RPL37: variants seen among roughly 807,000 people sequenced by gnomAD.
RPL37 encodes the protein ribosomal protein L37.
Under a neutral mutation model 14.8 loss-of-function variants are expected in RPL37, and 1 was observed. That is an observed-to-expected ratio of 0.07 (90% confidence interval 0.02 to 0.32). The LOEUF (loss-of-function observed/expected upper bound fraction) is 0.32. RPL37 is among the 10% of genes least tolerant of loss of function. The pLI is 1.00. For synonymous variants in RPL37, 53 were observed against 45.8 expected (o/e 1.16, Z -0.63); for missense variants, 100 against 128.3 (o/e 0.78, Z 1.06).
intron 3 of RPL37, chr5:40,833,944 G>A (rs1745699603): frequency 1.6e-5 from 8 of 503,640 alleles, no homozygotes; most frequent in South Asian, 4.5e-5. Flanking sequence ...GTACTCGGGC[G>A]GCTGAGATGA....
In RPL37 at chr5:40,827,959, T is replaced by TAAAAAAAAAATA. The variant is rs11428743; in HGVS notation, c.*4544_*4545insTATTTTTTTTTT. The TAAAAAAAAAATA allele has an allele frequency of 6.6e-6, 1 of 150,870 alleles. No homozygotes were observed. Among genetic ancestry groups the TAAAAAAAAAATA allele is most frequent in the Non-Finnish European group, 1.5e-5 (1 of 67,792 alleles). The allele number at this position is 150,870 out of a possible 1,614,324, so 9.3% of individuals were successfully genotyped here. A position where few individuals can be genotyped will look rare whatever the true frequency, so the allele number is the denominator to read the frequency against. The stretch of plus-strand genomic sequence containing the variant: ...GTATTATGATCCAAACTCCTTTGTT[T>TAAAAAAAAAATA]AAAAAAAAATAAAACACCTAAATAT... On this transcript the variant is annotated 3_prime_UTR_variant, in exon 4 of 4. Transcript: ENST00000274242.
rs1280403732 is a variant in RPL37 at position 40,830,701 on chromosome 5, G to A, written c.*1803C>T. Reference sequence around the variant, plus strand: ...TAGTAGAGTTGGGGTCTCACCATGTGGGCCAGGGTGATCTCGATCTCTTGA... The same window carrying A: ...TAGTAGAGTTGGGGTCTCACCATGTAGGCCAGGGTGATCTCGATCTCTTGA... On this transcript the variant is annotated 3_prime_UTR_variant, in exon 4 of 4. Coordinates refer to ENST00000274242, the MANE Select transcript of RPL37 (RefSeq NM_000997.5). 2 of 151,478 alleles carry A rather than the reference G, an allele frequency of 1.3e-5. No individual in the cohort carries two copies. The highest frequency in any genetic ancestry group is 1.3e-4 in the Admixed American group (2 of 15,208). 9.4% of individuals were successfully genotyped at this position (151,478 alleles called of 1,614,324 possible).
At chr5:40,833,212 T>C (rs528877128) in intron 3 of RPL37, among the ~76,000 whole-genome samples, 1 of 152,222 alleles carries the variant, frequency 6.6e-6, no homozygotes, top group African/African-American at 2.4e-5. Context: ...CTGAACTGTC[T>C]TGCTATCTTT....
At chr5:40,834,633 T>C (rs41271051) in intron 1 of RPL37, 27 bp from the exon 2 acceptor site, 23,515 of 1,574,964 alleles carry the variant, frequency 0.015, 227 homozygotes, top group Non-Finnish European at 0.018. Flanking sequence ...TAAATAGTTC[T>C]GAAACCTGGC....
Position 40,831,917 on chromosome 5 carries a change from T to C in RPL37, c.*587A>G, listed in dbSNP as rs1329736447. 1 of 153,242 alleles carries C rather than the reference T, an allele frequency of 6.5e-6. No individual in the cohort carries two copies. Among genetic ancestry groups the C allele is most frequent in the Non-Finnish European group, 1.5e-5 (1 of 68,666 alleles). The allele number at this position is 153,242 out of a possible 1,614,324, so 9.5% of individuals were successfully genotyped here. ...TTTTCTCAAACCTATTTACATATTCTTAAGTTGACTCACACCTAGCAGGCT... is the reference window on the plus strand; with the variant it reads ...TTTTCTCAAACCTATTTACATATTCCTAAGTTGACTCACACCTAGCAGGCT... On this transcript the variant is annotated 3_prime_UTR_variant, in exon 4 of 4. Transcript: ENST00000274242.
In RPL37 at chr5:40,827,837, G is replaced by C; in HGVS notation, c.*4667C>G. ...AGCGATTCTCTCGCCTCAGCCTCCT[G>C]AGTAGCTGGGATTACAGGTGTGCAC... On this transcript the variant is annotated 3_prime_UTR_variant, in exon 4 of 4. Coordinates refer to ENST00000274242, the MANE Select transcript of RPL37 (RefSeq NM_000997.5). 1 of 151,610 alleles carries C rather than the reference G, an allele frequency of 6.6e-6. No individual in the cohort carries two copies. Among genetic ancestry groups the C allele is most frequent in the Non-Finnish European group, 1.5e-5 (1 of 68,078 alleles). The allele number at this position is 151,610 out of a possible 1,614,324, so 9.4% of individuals were successfully genotyped here. A position where few individuals can be genotyped will look rare whatever the true frequency, so the allele number is the denominator to read the frequency against.
At chr5:40,832,682 C>A in intron 3 of RPL37, 109 bp from the exon 4 acceptor site, 1 of 821,608 alleles carries the variant, frequency 1.2e-6, no homozygotes, top group South Asian at 1.3e-5. Context: ...ATGCTGAAAT[C>A]AATACTGCAT....
rs1359404483 is a variant in RPL37, at chr5:40,832,349, C to T, written c.*155G>A. ...AAAAGTAAACATTCCAAAACAGTCA[C>T]TTAACAAGTAAATCTGATATGAAGC... is the stretch of plus-strand genomic sequence containing the variant. On this transcript the variant is annotated 3_prime_UTR_variant, in exon 4 of 4. Coordinates refer to ENST00000274242, the MANE Select transcript of RPL37 (RefSeq NM_000997.5). 14 of 722,034 alleles carry T rather than the reference C, an allele frequency of 1.9e-5. No homozygotes were observed. The highest frequency in any genetic ancestry group is 3.3e-5 in the Non-Finnish European group (13 of 396,512). 44.7% of individuals were successfully genotyped at this position (722,034 alleles called of 1,614,324 possible). A position where few individuals can be genotyped will look rare whatever the true frequency, so the allele number is the denominator to read the frequency against.
At chr5:40,834,318 T>C (rs1313815587) in intron 2 of RPL37, 53 bp from the exon 3 acceptor site, 5 of 1,554,744 alleles carry the variant, frequency 3.2e-6, no homozygotes, top group Non-Finnish European at 4.4e-6. Context: ...ACACACCTTG[T>C]AGGTGTTGTT....
At position 40,832,426 on chromosome 5, in the gene RPL37, A is replaced by G; in HGVS notation, c.*78T>C. ...TTCACTGATACTACAAGCCTAATTGATTAAAAATACCTTACCAAAACCAGA... is the reference window on the plus strand; with the variant it reads ...TTCACTGATACTACAAGCCTAATTGGTTAAAAATACCTTACCAAAACCAGA... On this transcript the variant is annotated 3_prime_UTR_variant, in exon 4 of 4. Transcript: ENST00000274242. 4.8e-6 allele frequency: 6 copies of G among 1,259,260 alleles called. No homozygotes were observed. Among genetic ancestry groups the G allele is most frequent in the Non-Finnish European group, 7.0e-6 (6 of 858,650 alleles). 78.0% of individuals were successfully genotyped at this position (1,259,260 alleles called of 1,614,324 possible). A position where few individuals can be genotyped will look rare whatever the true frequency, so the allele number is the denominator to read the frequency against.
At position 40,828,826 on chromosome 5, in the gene RPL37, C is replaced by T. The variant is rs897477845; in HGVS notation, c.*3678G>A. On this transcript the variant is annotated 3_prime_UTR_variant, in exon 4 of 4. Coordinates refer to ENST00000274242, the MANE Select transcript of RPL37 (RefSeq NM_000997.5). ...GAAAACACATCTGGTTTTGCTCCCA[C>T]TGTATCTCTAACATGGCTTGGCACA... 4 of 152,170 alleles carry T rather than the reference C, an allele frequency of 2.6e-5. No homozygotes were observed. The East Asian group carries it at 7.7e-4, about 29-fold the overall frequency. The allele number at this position is 152,170 out of a possible 1,614,324, so 9.4% of individuals were successfully genotyped here. A position where few individuals can be genotyped will look rare whatever the true frequency, so the allele number is the denominator to read the frequency against.
At position 40,832,562 on chromosome 5, in the gene RPL37, C is replaced by T. The variant is rs753326856; in HGVS notation, c.236G>A (p.Arg79His). ...CTTGGGTTTAGGTGTTGTTCCTTCACGGAATCCATGCCTGCAGGATGTCAA... is the reference window on the plus strand; with the variant it reads ...CTTGGGTTTAGGTGTTGTTCCTTCATGGAATCCATGCCTGCAGGATGTCAA... ...IVYRRFRHGFREGTTPKPKRA... is the reference protein window; with the variant it reads ...IVYRRFRHGFHEGTTPKPKRA... Residue 79 changes from arginine to histidine, a missense_variant, in exon 4 of 4, where the codon CGT (arginine) becomes CAT (histidine). By Grantham distance (29) the Arg-to-His change is conservative. Transcript: ENST00000274242. 11 of 1,613,690 alleles carry T rather than the reference C, an allele frequency of 6.8e-6. No individual in the cohort carries two copies. Among genetic ancestry groups the T allele is most frequent in the Admixed American group, 1.7e-5 (1 of 60,002 alleles).
In RPL37 at chr5:40,831,975, CCA is replaced by C. The variant is rs1006960359; in HGVS notation, c.*527_*528del. Reference sequence around the variant, plus strand: ...CTTAGCTAGCCACCTTACACACAGCCCACAAGTCAGGTGTGCCAAGTGAGCAT... The same window carrying C: ...CTTAGCTAGCCACCTTACACACAGCCCAAGTCAGGTGTGCCAAGTGAGCAT... On this transcript the variant is annotated 3_prime_UTR_variant, in exon 4 of 4. Coordinates refer to ENST00000274242, the MANE Select transcript of RPL37 (RefSeq NM_000997.5). The C allele has an allele frequency of 3.2e-5, 5 of 157,608 alleles. No individual in the cohort carries two copies. Among genetic ancestry groups the C allele is most frequent in the African/African-American group, 1.2e-4 (5 of 41,596 alleles). 9.8% of individuals were successfully genotyped at this position (157,608 alleles called of 1,614,324 possible).
chr5:40,835,008 C>A (rs1474799629), intron 1 of RPL37, 175 bp downstream of exon 1: 30 of 805,938 alleles, frequency 3.7e-5, no homozygotes, highest in Non-Finnish European at 6.0e-5. Context: ...CGGGATAGGT[C>A]CCCCAGGCAC....
At chr5:40,832,755 A>C (rs201307128) in intron 3 of RPL37, 182 bp from the exon 4 acceptor site, 13 of 729,340 alleles carry the variant, frequency 1.8e-5, no homozygotes, top group Middle Eastern at 2.7e-4. Flanking sequence ...CACTTTGCTT[A>C]AAGATACCCA....
In RPL37 at chr5:40,828,293, T is replaced by C. The variant is rs546087894; in HGVS notation, c.*4211A>G. 6.6e-6 allele frequency: 1 copy of C among 152,348 alleles called. No individual in the cohort carries two copies. Among genetic ancestry groups the C allele is most frequent in the Admixed American group, 6.5e-5 (1 of 15,302 alleles). The allele number at this position is 152,348 out of a possible 1,614,324, so 9.4% of individuals were successfully genotyped here. A position where few individuals can be genotyped will look rare whatever the true frequency, so the allele number is the denominator to read the frequency against. On this transcript the variant is annotated 3_prime_UTR_variant, in exon 4 of 4. Transcript: ENST00000274242. ...TCCTTGTCTTACACACTTATCACTA[T>C]CTGCAATTGTCTATTATGTCACCTT...
At chr5:40,834,358 C>T in intron 2 of RPL37, 93 bp from the exon 3 acceptor site, 3 of 1,561,832 alleles carry the variant, frequency 1.9e-6, no homozygotes, top group Non-Finnish European at 2.6e-6. Context: ...ACCTCATCGG[C>T]ATACAGATGT....
chr5:40,835,149 A>T, intron 1 of RPL37, 34 bp downstream of exon 1: 1 of 1,614,046 alleles, frequency 6.2e-7, no homozygotes, highest in Non-Finnish European at 8.5e-7. Context: ...ACGAGGATGG[A>T]ACGCGATTCA....
intron 3 of RPL37, chr5:40,833,919 C>G (rs1745698874): frequency 6.6e-6 from 3 of 451,210 alleles, no homozygotes; most frequent in African/African-American, 6.0e-5. Context: ...TGGCAGCGCA[C>G]ACCTGTAGTC....
Sources: gnomAD v4.1 joint callset for allele counts (sites outside exome capture counted in the v4.1 genomes callset) on GRCh38, gnomAD v4.1.1 for gene constraint, MANE v1.5 for transcripts, NCBI Gene and HGNC (gene_info 2026-07-23, HGNC 2026-07-21) for gene names.